Variants in WDSUB1 observed in about 807,000 individuals in gnomAD.
The protein encoded by WDSUB1 is WD repeat, SAM and U-box domain-containing protein 1.
Under a neutral mutation model 53.9 loss-of-function variants are expected in WDSUB1, and 49 were observed. That is an observed-to-expected ratio of 0.91 (90% confidence interval 0.72 to 1.15). The LOEUF is 1.15. Among genes scored for constraint, WDSUB1 ranks in the 50% most tolerant of loss-of-function variants. The probability of loss-of-function intolerance (pLI) is 0.00; values close to 1 mark genes in which losing one functional copy is unlikely to be tolerated. For missense variants in WDSUB1, 514 were observed against 562.0 expected (o/e 0.91, Z 0.86); for synonymous variants, 194 against 200.6 (o/e 0.97, Z 0.28).
chr2:159,266,777 G>T (rs994077782), intron 5 of WDSUB1, among the ~76,000 whole-genome samples: 7 of 151,832 alleles, frequency 4.6e-5, no homozygotes, highest in Non-Finnish European at 5.9e-5. Context: ...GGGTTTTTTT[G>T]TTGTTTTTTG....
intron 1 of WDSUB1, among the ~76,000 whole-genome samples, chr2:159,284,584 T>C (rs978020112): frequency 2.0e-5 from 3 of 152,132 alleles, no homozygotes; most frequent in African/African-American, 7.2e-5. Flanking sequence ...GTCTGATAAA[T>C]AGTAAAATTA....
At chr2:159,266,628 A>G (rs560017169) in intron 5 of WDSUB1, among the ~76,000 whole-genome samples, 1 of 152,230 alleles carries the variant, frequency 6.6e-6, no homozygotes, top group South Asian at 2.1e-4. Flanking sequence ...TTTCATCTCT[A>G]GCCACTTATA....
At chr2:159,239,797 T>C (rs1575421557) in intron 10 of WDSUB1, among the ~76,000 whole-genome samples, 2 of 152,172 alleles carry the variant, frequency 1.3e-5, no homozygotes, top group Non-Finnish European at 2.9e-5. Flanking sequence ...TACTTTTGCC[T>C]ACTTACAAAT....
At chr2:159,270,838 A>G (rs1489316114) in intron 5 of WDSUB1, among the ~76,000 whole-genome samples, 1 of 144,654 alleles carries the variant, frequency 6.9e-6, no homozygotes, top group African/African-American at 2.9e-5. Context: ...CTCAAATATA[A>G]AAATACACAC....
chr2:159,270,437 T>A (rs2061424703), intron 5 of WDSUB1, among the ~76,000 whole-genome samples: 1 of 126,118 alleles, frequency 7.9e-6, no homozygotes, highest in Admixed American at 7.5e-5. Flanking sequence ...TAGCTAGGAA[T>A]AGACAAAATA....
intron 3 of WDSUB1, among the ~76,000 whole-genome samples, chr2:159,276,862 G>A (rs1049842442): frequency 2.6e-5 from 4 of 152,062 alleles, no homozygotes; most frequent in South Asian, 2.1e-4. Context: ...TAAATTAGCC[G>A]GGTGTGGTGG....
Position 159,245,568 on chromosome 2 carries a change from G to A in WDSUB1, c.1273+2804C>T, listed in dbSNP as rs1307038372. ...AAAAGACTATAAAGCTACAGTAATC[G>A]AAGCACTGTGGTAACCGGCCCCCAG... On this transcript the variant is annotated intron_variant, in intron 10 of 10. Transcript: ENST00000359774. 3.3e-5 allele frequency among the ~76,000 whole-genome samples: 5 copies of A among 150,786 alleles called. No individual in the cohort carries two copies. In the South Asian group the frequency reaches 6.3e-4, roughly 19 times the overall value.
At chr2:159,263,138 G>A (rs1257826568) in intron 5 of WDSUB1, among the ~76,000 whole-genome samples, 1 of 152,048 alleles carries the variant, frequency 6.6e-6, no homozygotes, top group African/African-American at 2.4e-5. Context: ...TGGACGTGGT[G>A]TAATCACAGA....
At position 159,256,395 on chromosome 2, in the gene WDSUB1, T is replaced by C; in HGVS notation, c.953-20A>G. 6.3e-7 allele frequency: 1 copy of C among 1,581,476 alleles called. No individual in the cohort carries two copies. ...GCCTTGCTTAAAATAAACAAACAAG[T>C]AAGTGAGATAACAAAAAAGTATTTC... On this transcript the variant is annotated intron_variant, in intron 8 of 10. Transcript: ENST00000359774.
At chr2:159,280,000 C>T in intron 2 of WDSUB1, 55 bp from the exon 3 acceptor site, 1 of 1,491,086 alleles carries the variant, frequency 6.7e-7, no homozygotes, top group Non-Finnish European at 9.1e-7. Context: ...TACTTTATAC[C>T]ACAGTCTCTA....
chr2:159,275,535 G>A lies in WDSUB1; in HGVS notation c.676+11C>T. ...AAATAATTTTAGAGAAGCACTATTT[G>A]GCATACATACCTAAGATATGGGTAA... On this transcript the variant is annotated intron_variant, in intron 4 of 10. Transcript: ENST00000359774. The A allele has an allele frequency of 6.4e-7, 1 of 1,574,588 alleles. No individual in the cohort carries two copies.
chr2:159,240,573 T>TCAAAAG (rs2060617670), intron 10 of WDSUB1, among the ~76,000 whole-genome samples: 1 of 152,212 alleles, frequency 6.6e-6, no homozygotes, highest in East Asian at 1.9e-4. Context: ...TTGAAGTGCT[T>TCAAAAG]ATTGCCAAAC....
chr2:159,244,545 G>A (rs889303800), intron 10 of WDSUB1, among the ~76,000 whole-genome samples: 2 of 152,170 alleles, frequency 1.3e-5, no homozygotes, highest in Non-Finnish European at 2.9e-5. Context: ...GTTACTGAAG[G>A]ATGACTTTAC....
intron 4 of WDSUB1, among the ~76,000 whole-genome samples, chr2:159,273,345 A>G (rs577649948): frequency 9.8e-5 from 15 of 152,330 alleles, no homozygotes; most frequent in African/African-American, 3.1e-4. Flanking sequence ...TAAGACCCAT[A>G]TGTCTCTCTA....
intron 9 of WDSUB1, among the ~76,000 whole-genome samples, chr2:159,254,397 A>G (rs574459009): frequency 1.3e-5 from 2 of 152,064 alleles, no homozygotes; most frequent in African/African-American, 4.8e-5. Context: ...TCATCTCTAC[A>G]AATAATTTTA....
intron 5 of WDSUB1, among the ~76,000 whole-genome samples, chr2:159,266,799 G>A (rs1376349416): frequency 1.3e-5 from 2 of 151,830 alleles, no homozygotes; most frequent in Non-Finnish European, 2.9e-5. Context: ...TTTGAGTCAG[G>A]GTTTCACTCT....
At chr2:159,247,910 A>ATAAATATATAT (rs2060846247) in intron 10 of WDSUB1, among the ~76,000 whole-genome samples, 15 of 17,690 alleles carry the variant, frequency 8.5e-4, no homozygotes, top group Admixed American at 1.7e-3. Flanking sequence ...TATATATATA[A>ATAAATATATAT]ATATATATAT....
chr2:159,272,199 A>C (rs1034850515), intron 4 of WDSUB1, among the ~76,000 whole-genome samples: 1 of 152,216 alleles, frequency 6.6e-6, no homozygotes, highest in African/African-American at 2.4e-5. Context: ...ATTAAAGCAG[A>C]ATCACCTCAA....
chr2:159,266,260 C>A (rs2151115308), intron 5 of WDSUB1, among the ~76,000 whole-genome samples: 1 of 152,058 alleles, frequency 6.6e-6, no homozygotes, highest in African/African-American at 2.4e-5. Context: ...ACGATCTGGA[C>A]TCACCGCAAG....
Sources: allele counts gnomAD v4.1 joint callset (sites outside exome capture counted in the v4.1 genomes callset), GRCh38; gene constraint gnomAD v4.1.1; transcripts MANE v1.5; gene names NCBI Gene and HGNC (gene_info 2026-07-23, HGNC 2026-07-21).